ATXN7: variants seen among roughly 807,000 people sequenced by gnomAD.
The protein encoded by ATXN7 is ataxin-7.
ATXN7 carries 12 observed loss-of-function variants against 70.5 expected under a neutral mutation model. The observed-to-expected ratio is 0.17, with a 90% CI of 0.11 to 0.28. ATXN7 has a LOEUF of 0.28. ATXN7 is among the 10% of genes least tolerant of loss of function. ATXN7 has a pLI of 1.00. For synonymous variants in ATXN7, 498 were observed against 448.7 expected (o/e 1.11, Z -1.39); for missense variants, 1,256 against 1,131.7 (o/e 1.11, Z -1.58).
At chr3:63,863,738 C>T, upstream of ATXN7, 1 of 1,249,370 alleles carries the variant, frequency 8.0e-7, no homozygotes, top group Non-Finnish European at 1.0e-6. Flanking sequence ...GCGGGCCGTG[C>T]AGCGGGCGCG....
At position 63,980,015 on chromosome 3, in the gene ATXN7, A is replaced by C; in HGVS notation, c.600A>C (p.Ala200=). ...TGTCCAAAAGCAAAGGAGGCAGTGCAAGTGGAAGCAACCGTTCTTCCAGTG... is the reference window on the plus strand; with the variant it reads ...TGTCCAAAAGCAAAGGAGGCAGTGCCAGTGGAAGCAACCGTTCTTCCAGTG... ...PSLSKSKGGS[A]SGSNRSSSGG... is the part of the protein sequence containing the mutation. The change falls in exon 6 of 13, where the codon GCA becomes GCC. Residue 200 remains alanine (A), a synonymous_variant. Transcript: ENST00000674280. 1 of 1,614,218 alleles carries C rather than the reference A, an allele frequency of 6.2e-7. No individual in the cohort carries two copies. Among genetic ancestry groups the C allele is most frequent in the Non-Finnish European group, 8.5e-7 (1 of 1,180,038 alleles).
intron 1 of ATXN7, among the ~76,000 whole-genome samples, chr3:63,868,225 G>A (rs1702491867): frequency 6.6e-6 from 1 of 152,212 alleles, no homozygotes; most frequent in Admixed American, 6.5e-5. Context: ...TGGCAGGACA[G>A]TAGAACATGA....
rs2075466115 is a variant in ATXN7, at chr3:63,980,418, C to T, written c.752+251C>T. 5.6e-6 allele frequency: 3 copies of T among 535,778 alleles called. No individual in the cohort carries two copies. The African/African-American group carries it at 5.7e-5, about 10-fold the overall frequency. 33.2% of individuals were successfully genotyped at this position (535,778 alleles called of 1,614,324 possible). ...TTGTGTGCTAGCTACTGAAACCTAA[C>T]TCTATGTGTGTACTATGTCACTTAT... On this transcript the variant is annotated intron_variant, in intron 6 of 12. Transcript: ENST00000674280.
chr3:63,889,449 C>T (rs1703190208), intron 1 of ATXN7, among the ~76,000 whole-genome samples: 2 of 152,078 alleles, frequency 1.3e-5, no homozygotes, highest in Admixed American at 6.6e-5. Context: ...TGTCACCATA[C>T]GAAATCAAGT....
At chr3:63,895,852 G>C (rs986151983) in intron 1 of ATXN7, among the ~76,000 whole-genome samples, 1 of 151,850 alleles carries the variant, frequency 6.6e-6, no homozygotes, top group African/African-American at 2.4e-5. Flanking sequence ...CGGGAGATAA[G>C]TGGCCTCTTG....
chr3:63,998,001 A>T, intron 12 of ATXN7: 2 of 985,374 alleles, frequency 2.0e-6, no homozygotes, highest in Non-Finnish European at 2.4e-6. Flanking sequence ...ACAGTTTATA[A>T]GCATAACAGT....
At chr3:63,962,087 C>A (rs1474124497) in intron 5 of ATXN7, among the ~76,000 whole-genome samples, 1 of 152,030 alleles carries the variant, frequency 6.6e-6, no homozygotes, top group Non-Finnish European at 1.5e-5. Context: ...TGTACTAGTC[C>A]AAGTCCATAA....
intron 5 of ATXN7, among the ~76,000 whole-genome samples, chr3:63,970,526 C>T (rs1015444594): frequency 6.6e-6 from 1 of 152,124 alleles, no homozygotes; most frequent in African/African-American, 2.4e-5. Flanking sequence ...TTTTTTAAAG[C>T]CCTTTTACAA....
chr3:63,970,484 C>G (rs562719572), intron 5 of ATXN7, among the ~76,000 whole-genome samples: 2 of 152,244 alleles, frequency 1.3e-5, no homozygotes, highest in South Asian at 4.1e-4. Context: ...TTTTCCCTAT[C>G]ATTCCGTATT....
chr3:63,877,655 A>G (rs555178198), intron 1 of ATXN7, among the ~76,000 whole-genome samples: 20 of 152,340 alleles, frequency 1.3e-4, no homozygotes, highest in African/African-American at 4.3e-4. Context: ...AGAGAGAGAC[A>G]TTTGGGGTCC....
At chr3:63,978,827 A>G (rs969066459) in intron 5 of ATXN7, among the ~76,000 whole-genome samples, 1 of 152,202 alleles carries the variant, frequency 6.6e-6, no homozygotes, top group Admixed American at 6.5e-5. Context: ...AGTTTTACCA[A>G]GAAGCTCAGG....
intron 4 of ATXN7, among the ~76,000 whole-genome samples, chr3:63,937,695 G>A (rs2074687745): frequency 6.6e-6 from 1 of 152,168 alleles, no homozygotes; most frequent in South Asian, 2.1e-4. Flanking sequence ...TGTGTTGGAG[G>A]AAGGAATGAA....
intron 4 of ATXN7, among the ~76,000 whole-genome samples, chr3:63,942,120 A>G (rs559346168): frequency 3.9e-5 from 6 of 152,314 alleles, no homozygotes; most frequent in African/African-American, 1.4e-4. Flanking sequence ...GCTGGCAGAT[A>G]GGAACAGCTT....
intron 2 of ATXN7, among the ~76,000 whole-genome samples, chr3:63,909,487 A>G (rs567481832): frequency 6.6e-6 from 1 of 152,218 alleles, no homozygotes; most frequent in Admixed American, 6.5e-5. Context: ...TTATCTAGGT[A>G]AGAGGTCATC....
At chr3:63,990,521 G>A (rs2075653073) in intron 10 of ATXN7, 147 bp downstream of exon 10, 1 of 1,174,722 alleles carries the variant, frequency 8.5e-7, no homozygotes, top group African/African-American at 1.5e-5. Context: ...TGCCCCAGAG[G>A]CAGCACACAC....
intron 4 of ATXN7, among the ~76,000 whole-genome samples, chr3:63,951,955 C>T (rs769025066): frequency 1.4e-4 from 22 of 152,278 alleles, no homozygotes; most frequent in Non-Finnish European, 2.4e-4. Context: ...TCTGTCTCTG[C>T]TCCCTTTCTT....
chr3:63,883,794 A>C (rs1702991578), intron 1 of ATXN7, among the ~76,000 whole-genome samples: 1 of 152,198 alleles, frequency 6.6e-6, no homozygotes, highest in Non-Finnish European at 1.5e-5. Flanking sequence ...TATTGCATAG[A>C]ATAGCAAACA....
intron 4 of ATXN7, among the ~76,000 whole-genome samples, chr3:63,925,691 T>C (rs1383168358): frequency 6.6e-6 from 1 of 151,890 alleles, no homozygotes; most frequent in Non-Finnish European, 1.5e-5. Flanking sequence ...ATAGTGGGAG[T>C]GTGTGCCCAG....
intron 8 of ATXN7, among the ~76,000 whole-genome samples, chr3:63,984,861 A>G (rs2075548674): frequency 6.6e-6 from 1 of 152,196 alleles, no homozygotes; most frequent in African/African-American, 2.4e-5. Flanking sequence ...ATCTCATATA[A>G]GTGGAATCAT....
Sources: allele counts gnomAD v4.1 joint callset (sites outside exome capture counted in the v4.1 genomes callset), GRCh38; gene constraint gnomAD v4.1.1; transcripts MANE v1.5; gene names NCBI Gene and HGNC (gene_info 2026-07-23, HGNC 2026-07-21).